SRRM3: variants seen among roughly 807,000 people sequenced by gnomAD.
The protein encoded by SRRM3 is serine/arginine repetitive matrix protein 3.
SRRM3 carries 27 observed loss-of-function variants against 66.2 expected under a neutral mutation model. The ratio of observed to expected loss-of-function variants is 0.41; its 90% CI spans 0.30 to 0.56. SRRM3 has a LOEUF of 0.56. Among genes scored for constraint, SRRM3 ranks in the 20% least tolerant of loss-of-function variants. The probability of loss-of-function intolerance (pLI) is 0.32; values close to 1 mark genes in which losing one functional copy is unlikely to be tolerated. For missense variants in SRRM3, 918 were observed against 991.9 expected (o/e 0.93, Z 1.00); for synonymous variants, 391 against 414.9 (o/e 0.94, Z 0.70).
In SRRM3 at chr7:76,238,444, A is replaced by C. The variant is rs117780859; in HGVS notation, c.233+3145A>C. Among the ~76,000 whole-genome samples, 8 of 152,314 alleles carry C rather than the reference A, an allele frequency of 5.3e-5. No homozygotes were observed. The East Asian group carries it at 1.5e-3, about 29-fold the overall frequency. ...GGAACACACACTCTTTGGCCTCATT[A>C]AAAAGCAATCCTTTTCCTTAATATT... On this transcript the variant is annotated intron_variant, in intron 2 of 14. Coordinates refer to ENST00000611745, the MANE Select transcript of SRRM3 (RefSeq NM_001110199.3).
At chr7:76,266,361 T>C (rs1802043815) in intron 10 of SRRM3, among the ~76,000 whole-genome samples, 1 of 115,908 alleles carries the variant, frequency 8.6e-6, no homozygotes, top group Non-Finnish European at 1.6e-5. Flanking sequence ...TATTAATGTA[T>C]ATTTTCATAT....
At chr7:76,202,456 G>T (rs34356869) in intron 1 of SRRM3, among the ~76,000 whole-genome samples, 1 of 152,154 alleles carries the variant, frequency 6.6e-6, no homozygotes, top group Non-Finnish European at 1.5e-5. Flanking sequence ...GGTGAAGGGA[G>T]CAGGCCCCCA....
intron 1 of SRRM3, among the ~76,000 whole-genome samples, chr7:76,219,050 G>A (rs959944335): frequency 1.3e-5 from 2 of 151,946 alleles, no homozygotes; most frequent in Admixed American, 6.6e-5. Flanking sequence ...AGATGGCCAT[G>A]TTGGCTAGGC....
intron 14 of SRRM3, among the ~76,000 whole-genome samples, chr7:76,284,618 C>T (rs1554612502): frequency 6.6e-6 from 1 of 152,140 alleles, no homozygotes; most frequent in East Asian, 1.9e-4. Flanking sequence ...CTGGGGACGC[C>T]CCCAGACAGG....
Position 76,271,309 on chromosome 7 carries a change from A to T in SRRM3, c.1008+3874A>T, listed in dbSNP as rs552600810. Among the ~76,000 whole-genome samples, 19 of 151,948 alleles carry T rather than the reference A, an allele frequency of 1.3e-4. 1 individual carries two copies. The highest frequency in any genetic ancestry group is 6.3e-4 in the South Asian group (3 of 4,800). ...AGAACAAGACTGTATCTCTACAAAA[A>T]ATATATATATATTTTTAATCAGCCA... On this transcript the variant is annotated intron_variant, in intron 11 of 14. Coordinates refer to ENST00000611745, the MANE Select transcript of SRRM3 (RefSeq NM_001110199.3).
At chr7:76,228,685 T>C (rs912094370) in intron 1 of SRRM3, among the ~76,000 whole-genome samples, 1 of 151,904 alleles carries the variant, frequency 6.6e-6, no homozygotes, top group East Asian at 1.9e-4. Context: ...GATCGCACCA[T>C]TGCACTCCAG....
chr7:76,245,959 A>G (rs1554606119), intron 2 of SRRM3, among the ~76,000 whole-genome samples: 4 of 152,138 alleles, frequency 2.6e-5, no homozygotes, highest in African/African-American at 9.6e-5. Context: ...CAGCCTCCCA[A>G]AGTGCTGGGA....
intron 1 of SRRM3, among the ~76,000 whole-genome samples, chr7:76,212,251 C>T (rs1244689838): frequency 6.7e-6 from 1 of 149,212 alleles, no homozygotes; most frequent in Non-Finnish European, 1.5e-5. Context: ...GTCTTGACCT[C>T]CCCCAGCTCA....
intron 3 of SRRM3, among the ~76,000 whole-genome samples, chr7:76,253,074 G>T (rs1235436593): frequency 1.3e-5 from 2 of 152,128 alleles, no homozygotes; most frequent in African/African-American, 4.8e-5. Flanking sequence ...TGAGGCACAA[G>T]AATGGCTTGA....
At chr7:76,231,759 C>T (rs76581559) in intron 1 of SRRM3, among the ~76,000 whole-genome samples, 1 of 152,308 alleles carries the variant, frequency 6.6e-6, no homozygotes, top group East Asian at 1.9e-4. Flanking sequence ...ACAAAAGATG[C>T]GGAAGCACAA....
At chr7:76,234,395 T>C (rs1801089152) in intron 1 of SRRM3, among the ~76,000 whole-genome samples, 1 of 152,160 alleles carries the variant, frequency 6.6e-6, no homozygotes, top group South Asian at 2.1e-4. Flanking sequence ...AAGGAGGGGA[T>C]AGTCTTGTGG....
At chr7:76,210,226 A>G (rs1396663997) in intron 1 of SRRM3, among the ~76,000 whole-genome samples, 5 of 152,098 alleles carry the variant, frequency 3.3e-5, no homozygotes, top group African/African-American at 4.8e-5. Flanking sequence ...AGGTTAGAGG[A>G]GTGGGCTTCA....
intron 3 of SRRM3, among the ~76,000 whole-genome samples, chr7:76,255,148 C>CTTTTTTTTTTTTTTTTTTTTTTTTTT (rs57880700): frequency 6.0e-4 from 50 of 83,164 alleles, no homozygotes; most frequent in Middle Eastern, 7.9e-3. Flanking sequence ...TTCTTTCTTT[C>CTTTTTTTTTTTTTTTTTTTTTTTTTT]TTTTTTTTTT....
chr7:76,260,795 G>A (rs1422185712), intron 5 of SRRM3, 79 bp from the exon 6 acceptor site: 5 of 1,401,532 alleles, frequency 3.6e-6, no homozygotes, highest in Admixed American at 4.0e-5. Context: ...CCTGTCCTGC[G>A]TGAGACCCTG....
chr7:76,271,972 A>C (rs573773951), intron 11 of SRRM3, among the ~76,000 whole-genome samples: 65 of 152,288 alleles, frequency 4.3e-4, no homozygotes, highest in African/African-American at 1.5e-3. Context: ...CAGTTCATAC[A>C]TGTGGGGAAA....
chr7:76,253,456 C>T (rs1412708247), intron 3 of SRRM3, among the ~76,000 whole-genome samples: 1 of 151,620 alleles, frequency 6.6e-6, no homozygotes, highest in African/African-American at 2.4e-5. Flanking sequence ...CCCGTCTCTA[C>T]TAAAAATACA....
chr7:76,242,057 T>G (rs1227289876), intron 2 of SRRM3, among the ~76,000 whole-genome samples: 2 of 152,200 alleles, frequency 1.3e-5, no homozygotes, highest in Non-Finnish European at 2.9e-5. Context: ...GGAGCCAGCA[T>G]GTCTCACATG....
chr7:76,245,822 G>A (rs1583903649), intron 2 of SRRM3, among the ~76,000 whole-genome samples: 1 of 152,012 alleles, frequency 6.6e-6, no homozygotes, highest in Admixed American at 6.6e-5. Flanking sequence ...CGGCCTCGTG[G>A]GTAGCTGGGA....
chr7:76,285,835 G>A lies in SRRM3; in HGVS notation c.1954G>A (p.Gly652Ser). The change falls in exon 15 of 15, where the codon GGC becomes AGC. Residue 652 changes from glycine (G) to serine (S), a missense_variant. Transcript: ENST00000611745. This position sits in a 1 kb window ranked among gnomAD's most constrained non-coding sequence, Gnocchi z 4.1. ...CAGCCGGAGCAGCTCTGAGAGCGGG[G>A]GCTTCTGAGCCCAGACAGACTCAGC... ...YHSRSSSESGGF is the reference protein window; with the variant it reads ...YHSRSSSESGSF The A allele has an allele frequency of 6.5e-7, 1 of 1,549,368 alleles. No individual in the cohort carries two copies.
Sources: gnomAD v4.1 joint callset for allele counts (sites outside exome capture counted in the v4.1 genomes callset) on GRCh38, gnomAD v4.1.1 for gene constraint, Gnocchi (gnomAD v3.1) non-coding constraint, MANE v1.5 for transcripts, NCBI Gene and HGNC (gene_info 2026-07-23, HGNC 2026-07-21) for gene names.